Variants in ANKRD28 observed in about 807,000 individuals in gnomAD.
The protein encoded by ANKRD28 is ankyrin repeat domain 28.
In ANKRD28, 44 loss-of-function variants were observed where a neutral mutation model predicts 126.5. The observed-to-expected ratio is 0.35, with a 90% confidence interval of 0.27 to 0.45. The LOEUF (loss-of-function observed/expected upper bound fraction) is 0.45, where lower values mean the gene tolerates loss of function less well. Among genes scored for constraint, ANKRD28 ranks in the 20% least tolerant of loss-of-function variants. The probability of loss-of-function intolerance (pLI) is 1.00; values close to 1 mark genes in which losing one functional copy is unlikely to be tolerated. For synonymous variants in ANKRD28, 442 were observed against 468.5 expected (o/e 0.94, Z 0.73); for missense variants, 1,110 against 1,316.6 (o/e 0.84, Z 2.43).
At chr3:15,766,108 T>G in intron 3 of ANKRD28, 126 bp downstream of exon 3, 1 of 655,896 alleles carries the variant, frequency 1.5e-6, no homozygotes, top group Non-Finnish European at 2.5e-6. Flanking sequence ...AATATAAAAA[T>G]AAGTTTCAGC....
chr3:15,725,344 A>AT (rs1263705975), intron 6 of ANKRD28, among the ~76,000 whole-genome samples: 1 of 152,184 alleles, frequency 6.6e-6, no homozygotes, highest in Non-Finnish European at 1.5e-5. Context: ...AATTCCTTTG[A>AT]TTATGTTATT....
upstream of ANKRD28, among the ~76,000 whole-genome samples, chr3:15,802,938 A>G (rs1196449343): frequency 2.6e-5 from 4 of 152,176 alleles, no homozygotes; most frequent in South Asian, 2.1e-4. Flanking sequence ...AATAAATACT[A>G]TATGACTGCA....
chr3:15,805,229 T>C (rs1385925558), intron 1 of ANKRD28, among the ~76,000 whole-genome samples: 1 of 116,726 alleles, frequency 8.6e-6, no homozygotes, highest in Non-Finnish European at 1.7e-5. Flanking sequence ...ATACACCTAA[T>C]ATGCCAAAAC....
intron 4 of ANKRD28, among the ~76,000 whole-genome samples, chr3:15,742,356 C>T (rs957038981): frequency 9.8e-4 from 148 of 150,514 alleles, no homozygotes; most frequent in African/African-American, 3.5e-3. Context: ...GGCCGCCCAT[C>T]GTCTGAGATG....
Position 15,814,392 on chromosome 3 carries a change from C to A in ANKRD28, c.28-19086G>T. The A allele has an allele frequency of 1.7e-6, 1 of 591,340 alleles. No homozygotes were observed. The highest frequency in any genetic ancestry group is 2.4e-6 in the Non-Finnish European group (1 of 415,654). 36.6% of individuals were successfully genotyped at this position (591,340 alleles called of 1,614,324 possible). ...TATGTTATTTATAAATAACTAGTAC[C>A]TTAACAAAACATTGAATTATTGGAT... On this transcript the variant is annotated intron_variant, in intron 1 of 27. Coordinates refer to the ANKRD28 transcript ENST00000399451. This position sits in a 1 kb window ranked among gnomAD's most constrained non-coding sequence, Gnocchi z 4.7.
At chr3:15,849,727 T>G (rs943351115) in intron 1 of ANKRD28, among the ~76,000 whole-genome samples, 40 of 152,332 alleles carry the variant, frequency 2.6e-4, no homozygotes, top group Admixed American at 2.6e-3. Flanking sequence ...TAGAAAATTT[T>G]CTGCCCCAGC....
At chr3:15,795,149 C>A (rs2060217656) in intron 2 of ANKRD28, 74 bp downstream of exon 2, 1 of 1,096,254 alleles carries the variant, frequency 9.1e-7, no homozygotes, top group South Asian at 1.3e-5. Flanking sequence ...GTCTTGTAAA[C>A]AAAAATCACA....
chr3:15,720,968 C>T lies in ANKRD28; in HGVS notation c.943G>A (p.Gly315Arg). 1 of 1,613,840 alleles carries T rather than the reference C, an allele frequency of 6.2e-7. No individual in the cohort carries two copies. Among genetic ancestry groups the T allele is most frequent in the East Asian group, 2.2e-5 (1 of 44,860 alleles). ...ACTAGAAGCTCTAAACACAATGCTCCATGTGTTGATGCAGCAGCAAAGTGC... is the reference window on the plus strand; with the variant it reads ...ACTAGAAGCTCTAAACACAATGCTCTATGTGTTGATGCAGCAGCAAAGTGC... ...PLHFAAASTH[G>R]ALCLELLVGN... is the part of the protein sequence containing the mutation. The change falls in exon 8 of 28, where the codon GGA becomes AGA. Residue 315 changes from glycine to arginine, a missense_variant. Coordinates refer to ENST00000683139, the MANE Select transcript of ANKRD28 (RefSeq NM_001349278.2).
intron 1 of ANKRD28, among the ~76,000 whole-genome samples, chr3:15,821,353 A>G (rs1009576249): frequency 6.6e-5 from 10 of 152,248 alleles, no homozygotes; most frequent in African/African-American, 2.4e-4. Context: ...GTTAACAGGA[A>G]TATTCAAGTA....
Position 15,833,180 on chromosome 3 carries a change from C to T in ANKRD28, c.27+26197G>A, listed in dbSNP as rs1240437055. 6.6e-6 allele frequency among the ~76,000 whole-genome samples: 1 copy of T among 152,114 alleles called. No homozygotes were observed. The highest frequency in any genetic ancestry group is 6.5e-5 in the Admixed American group (1 of 15,268). On this transcript the variant is annotated intron_variant, in intron 1 of 27. Transcript: ENST00000399451. The surrounding 1 kb of genome is among the most constrained non-coding windows in gnomAD (Gnocchi z 4.4). ...TGAGGGTGCTGCCAAAGGAGATTAA[C>T]ATTTAAGTCAGTGGGCTGGGAAAGG... is the stretch of plus-strand genomic sequence containing the variant.
chr3:15,677,255 G>A (rs2067036797), intron 25 of ANKRD28, among the ~76,000 whole-genome samples, 199 bp from the exon 26 acceptor site: 1 of 152,102 alleles, frequency 6.6e-6, no homozygotes, highest in South Asian at 2.1e-4. Flanking sequence ...TTAAGATTAA[G>A]GAAAGAGGAT....
At chr3:15,753,461 C>T (rs746966322) in intron 3 of ANKRD28, among the ~76,000 whole-genome samples, 17 of 152,222 alleles carry the variant, frequency 1.1e-4, no homozygotes, top group Non-Finnish European at 1.9e-4. Flanking sequence ...AGCCCTGTGC[C>T]TCTTTCTACA....
At chr3:15,718,616 T>C (rs1340068678) in intron 8 of ANKRD28, among the ~76,000 whole-genome samples, 1 of 152,212 alleles carries the variant, frequency 6.6e-6, no homozygotes, top group Non-Finnish European at 1.5e-5. Context: ...TAAATATTCA[T>C]GCCAAAATGG....
At position 15,678,228 on chromosome 3, in the gene ANKRD28, AT is replaced by A; in HGVS notation, c.2687del (p.Asn896MetfsTer18). On this transcript the variant is annotated frameshift_variant, in exon 24 of 28. Coordinates refer to ENST00000683139, the MANE Select transcript of ANKRD28 (RefSeq NM_001349278.2). LOFTEE classifies it high-confidence loss of function. ...CTTTACCAACTGTATTTGTTTGTCC[AT>A]TTTCTGCAGCCATCATAAGAGGTGT... ...GKTPLMMAAE[N>X]GQTNTVEMLV... is the part of the protein sequence containing the mutation. 6.2e-7 allele frequency: 1 copy of A among 1,610,894 alleles called. No homozygotes were observed. The highest frequency in any genetic ancestry group is 1.1e-5 in the South Asian group (1 of 90,768).
At chr3:15,832,552 G>A (rs1315488024) in intron 1 of ANKRD28, among the ~76,000 whole-genome samples, 1 of 152,164 alleles carries the variant, frequency 6.6e-6, no homozygotes. Flanking sequence ...CGCTTTTAGT[G>A]TAGAGATCAC....
chr3:15,814,987 T>C lies in ANKRD28; in HGVS notation c.28-19681A>G, dbSNP rs1331580780. Reference sequence around the variant, plus strand: ...ACTCCTCATTTAACAATGTGGACCTTAAATATTCCGCAACACCCTGAATAT... The same window carrying C: ...ACTCCTCATTTAACAATGTGGACCTCAAATATTCCGCAACACCCTGAATAT... On this transcript the variant is annotated intron_variant, in intron 1 of 27. Transcript: ENST00000399451. This position sits in a 1 kb window ranked among gnomAD's most constrained non-coding sequence, Gnocchi z 4.7. Among the ~76,000 whole-genome samples the C allele has an allele frequency of 6.6e-6, 1 of 151,290 alleles. No homozygotes were observed. The highest frequency in any genetic ancestry group is 1.5e-5 in the Non-Finnish European group (1 of 67,796).
chr3:15,671,589 G>T (rs6776710), intron 27 of ANKRD28, among the ~76,000 whole-genome samples: 8,028 of 133,464 alleles, frequency 0.06, 796 homozygotes, highest in African/African-American at 0.21. Context: ...TTTTTTTTTT[G>T]TTTTTTTTTT....
chr3:15,687,955 G>A (rs2068334135), intron 18 of ANKRD28, among the ~76,000 whole-genome samples: 1 of 152,156 alleles, frequency 6.6e-6, no homozygotes, highest in Admixed American at 6.5e-5. Context: ...AACCCTCAGT[G>A]TTCTTTTCAT....
intron 2 of ANKRD28, among the ~76,000 whole-genome samples, chr3:15,778,519 A>G (rs1575645869): frequency 6.6e-6 from 1 of 152,102 alleles, no homozygotes; most frequent in Admixed American, 6.5e-5. Context: ...GCCAGAGGTC[A>G]CCCTCCACTA....
Sources: allele counts gnomAD v4.1 joint callset (sites outside exome capture counted in the v4.1 genomes callset), GRCh38; gene constraint gnomAD v4.1.1; non-coding constraint Gnocchi (gnomAD v3.1); transcripts MANE v1.5; gene names NCBI Gene and HGNC (gene_info 2026-07-23, HGNC 2026-07-21).